SLC24A3: variants seen among roughly 807,000 people sequenced by gnomAD.
The protein encoded by SLC24A3 is solute carrier family 24 member 3.
SLC24A3 carries 28 observed loss-of-function variants against 75.8 expected under a neutral mutation model. The observed-to-expected ratio is 0.37, with a 90% CI of 0.27 to 0.51. SLC24A3 has a LOEUF of 0.51. SLC24A3 is among the 20% of genes least tolerant of loss of function. The pLI, the probability that SLC24A3 is intolerant of heterozygous loss-of-function variation, is 0.94. For synonymous variants in SLC24A3, 372 were observed against 334.1 expected, an observed-to-expected ratio of 1.11 and a Z score of -1.24; for missense variants, 663 against 847.8, an observed-to-expected ratio of 0.78 and a Z score of 2.71.
At chr20:19,662,917 A>G (rs1019228798) in intron 7 of SLC24A3, among the ~76,000 whole-genome samples, 7 of 152,176 alleles carry the variant, frequency 4.6e-5, no homozygotes, top group Non-Finnish European at 7.3e-5. Context: ...TACCCTCCCG[A>G]TGGAACGTTC....
intron 1 of SLC24A3, among the ~76,000 whole-genome samples, chr20:19,248,688 A>G (rs1982564584): frequency 6.6e-6 from 1 of 152,144 alleles, no homozygotes; most frequent in South Asian, 2.1e-4. Context: ...TTGAAGGGAT[A>G]TGCACATTCC....
intron 2 of SLC24A3, among the ~76,000 whole-genome samples, chr20:19,307,262 G>C (rs543390983): frequency 1.3e-5 from 2 of 152,086 alleles, no homozygotes; most frequent in South Asian, 4.2e-4. Flanking sequence ...ATAGTACCGG[G>C]TGTGTGATCA....
At chr20:19,357,141 A>C (rs1017903340) in intron 2 of SLC24A3, among the ~76,000 whole-genome samples, 8 of 152,132 alleles carry the variant, frequency 5.3e-5, no homozygotes, top group African/African-American at 1.9e-4. Context: ...GAGATTAGAC[A>C]CACAAGAAGA....
chr20:19,242,311 T>A (rs191638571), intron 1 of SLC24A3: 35 of 152,332 alleles, frequency 2.3e-4, no homozygotes, highest in Admixed American at 2.2e-3. Flanking sequence ...TGTAGGTGTT[T>A]CACCTCATTC....
At chr20:19,706,367 C>T (rs546230546) in intron 15 of SLC24A3, among the ~76,000 whole-genome samples, 1 of 152,260 alleles carries the variant, frequency 6.6e-6, no homozygotes, top group East Asian at 1.9e-4. Context: ...TGCCTGCTCT[C>T]CTAAGGGCTG....
chr20:19,552,972 G>A (rs2030720648), intron 3 of SLC24A3, among the ~76,000 whole-genome samples: 1 of 151,932 alleles, frequency 6.6e-6, no homozygotes, highest in African/African-American at 2.4e-5. Flanking sequence ...GGTTTGCAAG[G>A]TCCCCAGACT....
In SLC24A3 at chr20:19,679,615, ACT is replaced by A. The variant is rs553983672; in HGVS notation, c.768-2240_768-2239del. Among the ~76,000 whole-genome samples the A allele has an allele frequency of 9.2e-5, 14 of 151,828 alleles. No homozygotes were observed. In the South Asian group the frequency reaches 2.9e-3, roughly 32 times the overall value. ...GAGAGGGAGAGGGAGAGGGAGACTCACTCTTTTAGGATTCTAAAAGGACTATT... is the reference window on the plus strand; with the variant it reads ...GAGAGGGAGAGGGAGAGGGAGACTCACTTTTAGGATTCTAAAAGGACTATT... On this transcript the variant is annotated intron_variant, in intron 9 of 16. Transcript: ENST00000328041.
chr20:19,698,525 CT>C, intron 14 of SLC24A3, 42 bp from the exon 15 acceptor site: 1 of 1,509,178 alleles, frequency 6.6e-7, no homozygotes, highest in East Asian at 2.4e-5. Flanking sequence ...TGTGGGGCCC[CT>C]GGGTTCCCTT....
intron 2 of SLC24A3, among the ~76,000 whole-genome samples, chr20:19,430,701 CTCAG>C (rs546315274): frequency 1.2e-3 from 176 of 152,218 alleles, no homozygotes; most frequent in Middle Eastern, 3.4e-3. Flanking sequence ...TATGTGCACA[CTCAG>C]TCAAATTCAC....
chr20:19,698,491 G>A, intron 14 of SLC24A3, 77 bp from the exon 15 acceptor site: 1 of 983,850 alleles, frequency 1.0e-6, no homozygotes, highest in Non-Finnish European at 1.6e-6. Context: ...CTGGCTGTGA[G>A]ACTAAAGGCT....
At position 19,665,513 on chromosome 20, in the gene SLC24A3, C is replaced by T. The variant is rs540340488; in HGVS notation, c.688-351C>T. On this transcript the variant is annotated intron_variant, in intron 7 of 16. Coordinates refer to ENST00000328041, the MANE Select transcript of SLC24A3 (RefSeq NM_020689.4). ...TGAGCTCCTACATCCCCTTGCAGATCTAAGATTCTACAATGGGCCTTGCTT... is the reference window on the plus strand; with the variant it reads ...TGAGCTCCTACATCCCCTTGCAGATTTAAGATTCTACAATGGGCCTTGCTT... Among the ~76,000 whole-genome samples the T allele has an allele frequency of 2.0e-5, 3 of 152,340 alleles. No individual in the cohort carries two copies. In the South Asian group the frequency reaches 6.2e-4, roughly 32 times the overall value.
intron 2 of SLC24A3, among the ~76,000 whole-genome samples, chr20:19,425,409 C>T (rs1388701764): frequency 1.3e-5 from 2 of 152,022 alleles, no homozygotes; most frequent in Non-Finnish European, 2.9e-5. Context: ...TTGACATTAT[C>T]ATCCGTTAAG....
At chr20:19,243,533 A>G (rs768452277) in intron 1 of SLC24A3, among the ~76,000 whole-genome samples, 7 of 152,198 alleles carry the variant, frequency 4.6e-5, no homozygotes, top group Non-Finnish European at 4.4e-5. Flanking sequence ...CTGTCTTTCT[A>G]AAGTTTATCC....
rs1450480007 is a variant in SLC24A3 at position 19,346,117 on chromosome 20, T to TATATATATATG, written c.271+65030_271+65031insATATATATATG. 2.9e-5 allele frequency among the ~76,000 whole-genome samples: 2 copies of TATATATATATG among 68,482 alleles called. 1 individual carries two copies. Among genetic ancestry groups the TATATATATATG allele is most frequent in the African/African-American group, 1.9e-4 (2 of 10,524 alleles). 44.9% of individuals were successfully genotyped at this position (68,482 alleles called of 152,430 possible). ...TATATATATATATATATGGTGTGTGTGTGTGTGTATATATATATATGGTGT... is the reference window on the plus strand; with the variant it reads ...TATATATATATATATATGGTGTGTGTATATATATATGGTGTGTGTATATATATATATGGTGT... On this transcript the variant is annotated intron_variant, in intron 2 of 16. Transcript: ENST00000328041.
chr20:19,697,164 G>T (rs1204323576), intron 14 of SLC24A3, among the ~76,000 whole-genome samples: 2 of 152,122 alleles, frequency 1.3e-5, no homozygotes, highest in Non-Finnish European at 2.9e-5. Context: ...GTGATGCCGT[G>T]TTGGTTGAAA....
intron 1 of SLC24A3, among the ~76,000 whole-genome samples, chr20:19,228,727 A>C (rs1372182435): frequency 6.6e-6 from 1 of 152,180 alleles, no homozygotes; most frequent in Non-Finnish European, 1.5e-5. Flanking sequence ...ATAACAATAT[A>C]TATAGAAAAA....
chr20:19,324,152 C>G (rs1164066145), intron 2 of SLC24A3, among the ~76,000 whole-genome samples: 1 of 152,162 alleles, frequency 6.6e-6, no homozygotes, highest in Non-Finnish European at 1.5e-5. Flanking sequence ...TCTTCCCAAG[C>G]CATTAAATAA....
rs189280094 is a variant in SLC24A3, at chr20:19,346,218, A to G, written c.271+65131A>G. On this transcript the variant is annotated intron_variant, in intron 2 of 16. Coordinates refer to ENST00000328041, the MANE Select transcript of SLC24A3 (RefSeq NM_020689.4). ...TATATATGGTATATATATATGGTGT[A>G]TATGTATATATGGTATATATATATG... Among the ~76,000 whole-genome samples, 95 of 42,078 alleles carry G rather than the reference A, an allele frequency of 2.3e-3. 12 individuals carry two copies. Among genetic ancestry groups the G allele is most frequent in the African/African-American group, 6.5e-3 (46 of 7,084 alleles). 27.6% of individuals were successfully genotyped at this position (42,078 alleles called of 152,430 possible). A position where few individuals can be genotyped will look rare whatever the true frequency, so the allele number is the denominator to read the frequency against.
chr20:19,270,743 T>C (rs1326648433), intron 1 of SLC24A3, among the ~76,000 whole-genome samples: 2 of 151,700 alleles, frequency 1.3e-5, no homozygotes. Context: ...ATATTGGACA[T>C]TGTATGTATG....
Sources: gnomAD v4.1 joint callset for allele counts (sites outside exome capture counted in the v4.1 genomes callset) on GRCh38, gnomAD v4.1.1 for gene constraint, MANE v1.5 for transcripts, NCBI Gene and HGNC (gene_info 2026-07-23, HGNC 2026-07-21) for gene names.